SYN2: variants seen among roughly 807,000 people sequenced by gnomAD.
SYN2 encodes synapsin II, also known as synapsin-2.
A neutral mutation model predicts 50.9 loss-of-function variants in SYN2; 19 were observed. The ratio of observed to expected loss-of-function variants is 0.37; its 90% confidence interval spans 0.26 to 0.55. The LOEUF (loss-of-function observed/expected upper bound fraction) is 0.55. Ranked by LOEUF, SYN2 falls within the 20% of genes least tolerant of loss-of-function variation. SYN2 has a pLI of 0.81. For missense variants in SYN2, 587 were observed against 576.4 expected, an observed-to-expected ratio of 1.02 and a Z score of -0.19; for synonymous variants, 255 against 224.9, an observed-to-expected ratio of 1.13 and a Z score of -1.20.
intron 10 of SYN2, among the ~76,000 whole-genome samples, chr3:12,177,914 G>A (rs1698121184): frequency 6.6e-6 from 1 of 152,202 alleles, no homozygotes; most frequent in South Asian, 2.1e-4. Flanking sequence ...GATGAGCTCT[G>A]CAAGCAGAGA....
intron 1 of SYN2, among the ~76,000 whole-genome samples, chr3:12,062,778 G>A (rs146135119): frequency 2.6e-5 from 4 of 152,082 alleles, no homozygotes; most frequent in Admixed American, 6.6e-5. Flanking sequence ...ACAAAAACCT[G>A]CATGCAAATG....
chr3:12,090,094 A>G (rs766003301), intron 1 of SYN2, among the ~76,000 whole-genome samples: 17 of 152,180 alleles, frequency 1.1e-4, no homozygotes, highest in Non-Finnish European at 1.9e-4. Flanking sequence ...GGCCTCCAGG[A>G]GACACATTTC....
intron 7 of SYN2, among the ~76,000 whole-genome samples, chr3:12,162,960 G>A (rs1574875238): frequency 6.6e-6 from 1 of 152,278 alleles, no homozygotes; most frequent in Middle Eastern, 3.4e-3. Flanking sequence ...TTTACAGTGG[G>A]CCAGGCGCGG....
At chr3:12,141,576 T>G (rs1362338555) in intron 2 of SYN2, among the ~76,000 whole-genome samples, 1 of 152,214 alleles carries the variant, frequency 6.6e-6, no homozygotes, top group East Asian at 1.9e-4. Context: ...CAGTCCACAT[T>G]CTCGCTCTGT....
chr3:12,052,328 C>T (rs1189236479), intron 1 of SYN2, among the ~76,000 whole-genome samples: 2 of 151,418 alleles, frequency 1.3e-5, no homozygotes, highest in Non-Finnish European at 2.9e-5. Flanking sequence ...GCACCTACTG[C>T]CTGATAGGAG....
chr3:12,141,690 T>C (rs1697023625), intron 2 of SYN2, among the ~76,000 whole-genome samples: 1 of 152,228 alleles, frequency 6.6e-6, no homozygotes, highest in South Asian at 2.1e-4. Flanking sequence ...GTTACTTAAC[T>C]GCTCTGAGCC....
chr3:12,171,763 C>T (rs1697942272), intron 10 of SYN2, among the ~76,000 whole-genome samples: 1 of 152,182 alleles, frequency 6.6e-6, no homozygotes, highest in Admixed American at 6.5e-5. Context: ...AGGTTGAACA[C>T]ACTAAGACAC....
At chr3:12,070,663 A>G (rs1265776418) in intron 1 of SYN2, 15 of 1,246,000 alleles carry the variant, frequency 1.2e-5, no homozygotes, top group Admixed American at 1.1e-4. Flanking sequence ...CTGTCCCTCT[A>G]TGCCTCTGGA....
chr3:12,095,899 A>G (rs975499662), intron 1 of SYN2, among the ~76,000 whole-genome samples: 1 of 152,030 alleles, frequency 6.6e-6, no homozygotes, highest in Admixed American at 6.6e-5. Context: ...CTATCCTTGA[A>G]CTTCAAATAT....
chr3:12,120,815 A>G (rs1449597446), intron 1 of SYN2, among the ~76,000 whole-genome samples: 3 of 152,082 alleles, frequency 2.0e-5, no homozygotes, highest in East Asian at 1.9e-4. Context: ...CATGTGTCCT[A>G]TATTTTCTCC....
At chr3:12,049,542 T>TAAAAAATA (rs1478226372) in intron 1 of SYN2, among the ~76,000 whole-genome samples, 2 of 150,202 alleles carry the variant, frequency 1.3e-5, no homozygotes, top group African/African-American at 4.9e-5. Flanking sequence ...TAATAAAAAA[T>TAAAAAATA]AAAAAAACTG....
intron 1 of SYN2, among the ~76,000 whole-genome samples, chr3:12,017,841 A>G (rs554505696): frequency 1.3e-5 from 2 of 152,316 alleles, no homozygotes; most frequent in East Asian, 1.9e-4. Flanking sequence ...ACAAACCTAG[A>G]TGAATATTCC....
chr3:12,153,344 G>A (rs963904106), intron 5 of SYN2: 6 of 724,120 alleles, frequency 8.3e-6, no homozygotes, highest in East Asian at 7.9e-5. Flanking sequence ...TGAGGGCAGG[G>A]CAGAAAAGTC....
chr3:12,119,374 T>C (rs1446841162), intron 1 of SYN2, among the ~76,000 whole-genome samples: 3 of 152,164 alleles, frequency 2.0e-5, no homozygotes, highest in Admixed American at 2.0e-4. Context: ...CTGCTAAATT[T>C]TGTGCTCCTT....
chr3:12,123,518 T>G (rs1486493628), intron 1 of SYN2, among the ~76,000 whole-genome samples: 5 of 152,178 alleles, frequency 3.3e-5, no homozygotes, highest in African/African-American at 1.2e-4. Flanking sequence ...ACTGTAGTCT[T>G]AGCCACTTGA....
intron 1 of SYN2, among the ~76,000 whole-genome samples, chr3:12,048,984 T>C (rs1329503987): frequency 6.6e-6 from 1 of 152,180 alleles, no homozygotes; most frequent in East Asian, 1.9e-4. Context: ...CAGTTCTGTG[T>C]AAGATGAGAT....
chr3:12,055,294 A>C (rs1694963020), intron 1 of SYN2, among the ~76,000 whole-genome samples: 1 of 152,172 alleles, frequency 6.6e-6, no homozygotes, highest in Admixed American at 6.5e-5. Context: ...TGTAAATTAA[A>C]AATACCTAGA....
chr3:12,073,627 CTATT>C (rs1415406880), intron 1 of SYN2, among the ~76,000 whole-genome samples: 2 of 152,160 alleles, frequency 1.3e-5, no homozygotes, highest in Admixed American at 6.6e-5. Context: ...AAAAAGTTAA[CTATT>C]TGTGTTCATT....
intron 1 of SYN2, among the ~76,000 whole-genome samples, chr3:12,056,169 G>GT (rs963074533): frequency 1.1e-3 from 152 of 143,310 alleles, no homozygotes; most frequent in East Asian, 1.4e-3. Flanking sequence ...GTTGTGTTTT[G>GT]TTTTTTTTTT....
Sources: allele counts gnomAD v4.1 joint callset (sites outside exome capture counted in the v4.1 genomes callset), GRCh38; gene constraint gnomAD v4.1.1; transcripts MANE v1.5; gene names NCBI Gene and HGNC (gene_info 2026-07-23, HGNC 2026-07-21).